EML6: variants seen among roughly 807,000 people sequenced by gnomAD.
EML6 encodes the protein EMAP like 6.
EML6 carries 154 observed loss-of-function variants against 240.1 expected under a neutral mutation model. The ratio of observed to expected loss-of-function variants is 0.64; its 90% CI spans 0.56 to 0.73. The LOEUF (loss-of-function observed/expected upper bound fraction) is 0.73. Ranked by LOEUF, EML6 falls within the 30% of genes least tolerant of loss-of-function variation. The pLI, the probability that EML6 is intolerant of heterozygous loss-of-function variation, is 0.00. For synonymous variants in EML6, 1,148 were observed against 899.0 expected (o/e 1.28, Z -4.95); for missense variants, 2,964 against 2,474.6 (o/e 1.20, Z -4.20).
At chr2:54,744,949 CACACACACA>C (rs1683845045) in intron 2 of EML6, among the ~76,000 whole-genome samples, 1 of 144,958 alleles carries the variant, frequency 6.9e-6, no homozygotes, top group Non-Finnish European at 1.5e-5. Context: ...CACACACACA[CACACACACA>C]CACACCCTGC....
At chr2:54,800,843 C>A (rs1014376444) in intron 2 of EML6, among the ~76,000 whole-genome samples, 1 of 152,110 alleles carries the variant, frequency 6.6e-6, no homozygotes, top group African/African-American at 2.4e-5. Context: ...TCCTCAACTC[C>A]AGCCCAGGTA....
intron 17 of EML6, among the ~76,000 whole-genome samples, chr2:54,890,457 GTCCTTC>G (rs1396840737): frequency 6.6e-6 from 1 of 152,140 alleles, no homozygotes; most frequent in African/African-American, 2.4e-5. Context: ...ACTTATGTTT[GTCCTTC>G]TGCCCCTTAG....
chr2:54,756,299 G>A (rs1667727295), intron 2 of EML6, among the ~76,000 whole-genome samples: 1 of 152,160 alleles, frequency 6.6e-6, no homozygotes, highest in African/African-American at 2.4e-5. Context: ...GTCTTCAATC[G>A]ACTGTGCTCT....
At chr2:54,969,991 C>A in intron 41 of EML6, 80 bp from the exon 42 acceptor site, 1 of 1,471,614 alleles carries the variant, frequency 6.8e-7, no homozygotes, top group Non-Finnish European at 9.3e-7. Flanking sequence ...CTTTTGAGCA[C>A]TTGGCAAGAT....
chr2:54,752,854 T>C (rs979506781), intron 2 of EML6, among the ~76,000 whole-genome samples: 1 of 152,200 alleles, frequency 6.6e-6, no homozygotes, highest in Admixed American at 6.5e-5. Context: ...AGTGGCACGA[T>C]CACGGCTTAC....
intron 28 of EML6, among the ~76,000 whole-genome samples, chr2:54,936,573 C>T (rs140465887): frequency 1.5e-3 from 223 of 152,136 alleles, no homozygotes; most frequent in African/African-American, 5.2e-3. Context: ...CTCACTTAAC[C>T]TTTATGTTTT....
At chr2:54,903,868 C>T (rs1029245810) in intron 24 of EML6, among the ~76,000 whole-genome samples, 1 of 152,092 alleles carries the variant, frequency 6.6e-6, no homozygotes, top group Admixed American at 6.5e-5. Context: ...CCTTTTCCAC[C>T]CAAAGCTCCA....
intron 16 of EML6, among the ~76,000 whole-genome samples, chr2:54,876,066 A>G (rs1012084570): frequency 7.9e-5 from 12 of 152,208 alleles, no homozygotes; most frequent in Non-Finnish European, 7.3e-5. Flanking sequence ...AAATGCCTTC[A>G]TATTATTTCT....
intron 2 of EML6, among the ~76,000 whole-genome samples, chr2:54,759,576 G>A (rs570542096): frequency 6.6e-6 from 1 of 152,012 alleles, no homozygotes; most frequent in African/African-American, 2.4e-5. Flanking sequence ...CATAAATTCA[G>A]ACATAAATTA....
intron 6 of EML6, among the ~76,000 whole-genome samples, chr2:54,828,580 C>A (rs972378671): frequency 1.3e-5 from 2 of 152,204 alleles, no homozygotes; most frequent in African/African-American, 4.8e-5. Context: ...CATTTCAGAT[C>A]TTTCACTATA....
At chr2:54,874,150 A>G (rs996048551) in intron 16 of EML6, among the ~76,000 whole-genome samples, 4 of 152,260 alleles carry the variant, frequency 2.6e-5, no homozygotes, top group East Asian at 3.8e-4. Context: ...TAGCAGATCA[A>G]AGACATTAAC....
intron 16 of EML6, among the ~76,000 whole-genome samples, chr2:54,878,870 T>C (rs1458312960): frequency 1.3e-5 from 2 of 152,192 alleles, no homozygotes; most frequent in East Asian, 3.8e-4. Context: ...AGCACATTTG[T>C]GTAAAGATTG....
intron 2 of EML6, among the ~76,000 whole-genome samples, chr2:54,727,837 A>G (rs1352929358): frequency 6.6e-6 from 1 of 152,234 alleles, no homozygotes; most frequent in Admixed American, 6.5e-5. Flanking sequence ...AATATTAACT[A>G]GAAAGCAGCC....
rs961499142 is a variant in EML6, at chr2:54,892,487, G to C, written c.2573G>C (p.Gly858Ala). ...TTCACTTCTAAAAGAGGAACTTTTG[G>C]AAGCGTTGGAAAATTGGAAACAATG... Reference protein sequence around the residue: ...GGFTSKRGTFGSVGKLETMMC... With the variant: ...GGFTSKRGTFASVGKLETMMC... The change falls in exon 19 of 42, where the codon GGA (glycine) becomes GCA (alanine). Residue 858 changes from glycine (G) to alanine (A), a missense_variant. Gly to Ala is a moderately conservative substitution (Grantham distance 60). Coordinates refer to ENST00000356458, the MANE Select transcript of EML6 (RefSeq NM_001039753.4). 2 of 1,551,436 alleles carry C rather than the reference G, an allele frequency of 1.3e-6. No homozygotes were observed. The highest frequency in any genetic ancestry group is 1.7e-6 in the Non-Finnish European group (2 of 1,146,796).
At chr2:54,843,774 C>T (rs149337477) in intron 7 of EML6, among the ~76,000 whole-genome samples, 4,120 of 144,184 alleles carry the variant, frequency 0.029, 73 homozygotes, top group Non-Finnish European at 0.038. Flanking sequence ...ACCCGGGAGG[C>T]GGAGGCTGCA....
At chr2:54,933,064 C>A (rs1345982845) in intron 28 of EML6, among the ~76,000 whole-genome samples, 1 of 152,062 alleles carries the variant, frequency 6.6e-6, no homozygotes, top group Non-Finnish European at 1.5e-5. Context: ...TATCTCAGTT[C>A]TTCTTCCTCT....
chr2:54,933,415 C>G (rs1674963433), intron 28 of EML6, among the ~76,000 whole-genome samples: 1 of 152,072 alleles, frequency 6.6e-6, no homozygotes, highest in African/African-American at 2.4e-5. Flanking sequence ...CATATATATT[C>G]TCTTAAAATG....
intron 34 of EML6, 66 bp from the exon 35 acceptor site, chr2:54,960,154 G>A (rs931574495): frequency 1.5e-4 from 177 of 1,167,124 alleles, no homozygotes; most frequent in Non-Finnish European, 2.1e-4. Context: ...GAGGGGAGAG[G>A]GCCGGAGGGG....
chr2:54,933,420 A>C (rs1235405160), intron 28 of EML6, among the ~76,000 whole-genome samples: 1 of 152,174 alleles, frequency 6.6e-6, no homozygotes, highest in Non-Finnish European at 1.5e-5. Flanking sequence ...ATATTCTCTT[A>C]AAATGGCCCC....
Sources: allele counts gnomAD v4.1 joint callset (sites outside exome capture counted in the v4.1 genomes callset), GRCh38; gene constraint gnomAD v4.1.1; transcripts MANE v1.5; gene names NCBI Gene and HGNC (gene_info 2026-07-23, HGNC 2026-07-21).